Variants in ADCY5 observed in about 807,000 individuals in gnomAD.
The protein encoded by ADCY5 is adenylate cyclase type 5.
In ADCY5, 30 loss-of-function variants were observed where a neutral mutation model predicts 119.7. The observed-to-expected ratio is 0.25, with a 90% confidence interval of 0.19 to 0.34. ADCY5 has a LOEUF of 0.34. Among genes scored for constraint, ADCY5 ranks in the 10% least tolerant of loss-of-function variants. ADCY5 has a pLI of 1.00. For synonymous variants in ADCY5, 753 were observed against 762.2 expected, an observed-to-expected ratio of 0.99 and a Z score of 0.20; for missense variants, 1,324 against 1,775.2, an observed-to-expected ratio of 0.75 and a Z score of 4.57.
At chr3:123,326,566 G>T (rs531759438) in intron 7 of ADCY5, among the ~76,000 whole-genome samples, 2 of 152,188 alleles carry the variant, frequency 1.3e-5, no homozygotes, top group African/African-American at 4.8e-5. Flanking sequence ...GGCACTGAGA[G>T]ATGTGGGTAA....
chr3:123,312,931 A>G (rs150294816), intron 12 of ADCY5, among the ~76,000 whole-genome samples: 1 of 140,872 alleles, frequency 7.1e-6, no homozygotes, highest in Non-Finnish European at 1.5e-5. Context: ...GACAACAGAA[A>G]GACCAAAAGG....
At position 123,319,677 on chromosome 3, in the gene ADCY5, C is replaced by T. The variant is rs989505214; in HGVS notation, c.2253G>A (p.Lys751=). ...CTTCCCACCCAGGGTGCTGTACCTT[C>T]TTCTCTAAGTCAGGCTCCCTGAAGG... ...LLTFREPDLE[K]KYSKQVDDRF... Residue 751 remains lysine (K), a synonymous_variant, in exon 10 of 21, where the codon AAG becomes AAA. Coordinates refer to ENST00000462833, the MANE Select transcript of ADCY5 (RefSeq NM_183357.3). 6.2e-7 allele frequency: 1 copy of T among 1,614,060 alleles called. No individual in the cohort carries two copies. Among genetic ancestry groups the T allele is most frequent in the African/African-American group, 1.3e-5 (1 of 74,936 alleles).
At chr3:123,419,119 G>A in intron 1 of ADCY5, 1 of 982,730 alleles carries the variant, frequency 1.0e-6, no homozygotes, top group Non-Finnish European at 1.2e-6. Flanking sequence ...TAAGGGTTCT[G>A]TTTCTCCAGG....
chr3:123,327,714 G>A lies in ADCY5; in HGVS notation c.1851C>T (p.Asp617=). 2 of 1,614,024 alleles carry A rather than the reference G, an allele frequency of 1.2e-6. No individual in the cohort carries two copies. The highest frequency in any genetic ancestry group is 1.7e-6 in the Non-Finnish European group (2 of 1,179,956). ...TKATLNYLNG[D]YEVEPGCGGE... Reference sequence around the variant, plus strand: ...CCCCACAGCCTGGCTCCACCTCGTAGTCCCCATTCAGGTAGTTGAGTGTAG... The same window carrying A: ...CCCCACAGCCTGGCTCCACCTCGTAATCCCCATTCAGGTAGTTGAGTGTAG... Residue 617 remains aspartate, a synonymous_variant, in exon 7 of 21, where the codon GAC becomes GAT. Transcript: ENST00000462833.
At chr3:123,319,932 A>G in intron 9 of ADCY5, 114 bp from the exon 10 acceptor site, 1 of 1,393,134 alleles carries the variant, frequency 7.2e-7, no homozygotes, top group Non-Finnish European at 9.7e-7. Flanking sequence ...GCTGTCCACC[A>G]TCAGCCCAAT....
intron 1 of ADCY5, among the ~76,000 whole-genome samples, chr3:123,406,551 C>T (rs1170277357): frequency 2.0e-5 from 3 of 152,196 alleles, no homozygotes; most frequent in Non-Finnish European, 2.9e-5. Context: ...AGCAAAGCGG[C>T]GTTTTCATTT....
chr3:123,388,134 C>T (rs1944287368), intron 1 of ADCY5, among the ~76,000 whole-genome samples: 1 of 152,118 alleles, frequency 6.6e-6, no homozygotes. Context: ...TGTGCTCAGA[C>T]CTGAATTTTG....
At chr3:123,382,357 T>C (rs1026210253) in intron 1 of ADCY5, among the ~76,000 whole-genome samples, 6 of 126,100 alleles carry the variant, frequency 4.8e-5, no homozygotes, top group African/African-American at 9.9e-5. Flanking sequence ...GAAAACAGTA[T>C]GGTGGTTTCT....
chr3:123,362,271 G>A (rs1943272734), intron 1 of ADCY5, among the ~76,000 whole-genome samples: 2 of 152,100 alleles, frequency 1.3e-5, no homozygotes, highest in Admixed American at 6.6e-5. Flanking sequence ...TTACATCCCC[G>A]CCAACATTGC....
At chr3:123,396,045 G>A (rs1467816164) in intron 1 of ADCY5, among the ~76,000 whole-genome samples, 1 of 70,942 alleles carries the variant, frequency 1.4e-5, no homozygotes, top group Admixed American at 1.3e-4. Context: ...AGGGAGGGAG[G>A]GAGAGAGGGA....
intron 8 of ADCY5, among the ~76,000 whole-genome samples, chr3:123,322,036 CACGTCACCATCCCAGCCCTGGGCT>C (rs1246270216): frequency 6.6e-6 from 1 of 152,204 alleles, no homozygotes; most frequent in Non-Finnish European, 1.5e-5. Context: ...AAAGTGGTCC[CACGTCACCATCCCAGCCCTGGGCT>C]GGAGGCATAG....
chr3:123,428,996 A>C (rs1001956151), intron 1 of ADCY5, among the ~76,000 whole-genome samples: 8 of 152,154 alleles, frequency 5.3e-5, no homozygotes, highest in Admixed American at 3.3e-4. Context: ...CAATTTCCTT[A>C]TCTATAAAAG....
intron 17 of ADCY5, among the ~76,000 whole-genome samples, chr3:123,295,472 C>T (rs1215807733): frequency 5.3e-5 from 8 of 152,240 alleles, no homozygotes; most frequent in Non-Finnish European, 1.2e-4. Flanking sequence ...ACCCCTTCCT[C>T]CAGGGAGACA....
At chr3:123,285,733 G>A (rs1384527765) in intron 20 of ADCY5, among the ~76,000 whole-genome samples, 1 of 152,208 alleles carries the variant, frequency 6.6e-6, no homozygotes, top group Non-Finnish European at 1.5e-5. Flanking sequence ...GGAAGCCTTG[G>A]AAACACACAT....
chr3:123,338,120 G>A (rs558302218), intron 3 of ADCY5, among the ~76,000 whole-genome samples: 6 of 145,384 alleles, frequency 4.1e-5, no homozygotes, highest in South Asian at 2.1e-4. Context: ...GGAGCTCCAC[G>A]TGCCTTTGAA....
At chr3:123,349,826 T>C (rs1347610792) in intron 2 of ADCY5, among the ~76,000 whole-genome samples, 1 of 152,162 alleles carries the variant, frequency 6.6e-6, no homozygotes, top group Non-Finnish European at 1.5e-5. Context: ...ATCACTTTGC[T>C]TGTCTCCAAG....
intron 1 of ADCY5, among the ~76,000 whole-genome samples, chr3:123,445,339 G>GC (rs11371880): frequency 0.36 from 52,931 of 145,192 alleles, 9,915 homozygotes; most frequent in African/African-American, 0.43. Context: ...TGGAATTGGG[G>GC]CCCCCCCCAA....
intron 1 of ADCY5, among the ~76,000 whole-genome samples, chr3:123,365,129 T>G (rs1178880414): frequency 2.0e-5 from 3 of 152,120 alleles, no homozygotes; most frequent in Non-Finnish European, 2.9e-5. Flanking sequence ...AGACGAGGTT[T>G]GTATATTTAG....
intron 12 of ADCY5, among the ~76,000 whole-genome samples, chr3:123,311,501 A>C (rs1331096104): frequency 6.6e-6 from 1 of 152,126 alleles, no homozygotes; most frequent in East Asian, 1.9e-4. Flanking sequence ...CACAACATAA[A>C]AGAGGGAAGA....
Sources: allele counts gnomAD v4.1 joint callset (sites outside exome capture counted in the v4.1 genomes callset), GRCh38; gene constraint gnomAD v4.1.1; transcripts MANE v1.5; gene names NCBI Gene and HGNC (gene_info 2026-07-23, HGNC 2026-07-21).